The following DEFB1 variants were observed in gnomAD, a reference collection of about 807,000 sequenced individuals.
DEFB1 encodes the protein beta-defensin 1.
A neutral mutation model predicts 2.6 loss-of-function variants in DEFB1; 4 were observed. The observed-to-expected ratio is 1.53, with a 90% CI of 0.76 to 3.51. DEFB1 has a LOEUF of 3.51. Among genes scored for constraint, DEFB1 ranks in the 30% most tolerant of loss-of-function variants. The probability of loss-of-function intolerance (pLI) is 0.01; values close to 1 mark genes in which losing one functional copy is unlikely to be tolerated. For synonymous variants in DEFB1, 56 were observed against 28.5 expected, an observed-to-expected ratio of 1.96 and a Z score of -3.07; for missense variants, 162 against 76.9, an observed-to-expected ratio of 2.11 and a Z score of -4.14.
Position 6,870,781 on chromosome 8 carries a change from T to C in DEFB1, c.107A>G (p.Asn36Ser). 1.2e-6 allele frequency: 2 copies of C among 1,614,252 alleles called. No homozygotes were observed. Among genetic ancestry groups the C allele is most frequent in the East Asian group, 2.2e-5 (1 of 44,890 alleles). Residue 36 changes from asparagine (N) to serine (S), a missense_variant, in exon 2 of 2, where the codon AAT (asparagine) becomes AGT (serine). Physicochemically the swap from Asn to Ser is conservative, Grantham distance 46. Coordinates refer to ENST00000297439, the MANE Select transcript of DEFB1 (RefSeq NM_005218.4). Reference sequence around the variant, plus strand: ...ACATTGCCCTCCACTGCTGACGCAATTGTAATGATCAGATCTGTGGCCAAG... The same window carrying C: ...ACATTGCCCTCCACTGCTGACGCAACTGTAATGATCAGATCTGTGGCCAAG... ...TGLGHRSDHY[N>S]CVSSGGQCLY...
At position 6,877,893 on chromosome 8, in the gene DEFB1, T is replaced by A. The variant is rs1180385507; in HGVS notation, c.-36A>T. 1 of 1,606,206 alleles carries A rather than the reference T, an allele frequency of 6.2e-7. No individual in the cohort carries two copies. The highest frequency in any genetic ancestry group is 8.5e-7 in the Non-Finnish European group (1 of 1,172,982). The stretch of plus-strand genomic sequence containing the variant: ...AGGCAACACCCAGGATTTCAGGAAC[T>A]GGGGAGACGCTGGCTCCTTTGGAGG... On this transcript the variant is annotated 5_prime_UTR_variant, in exon 1 of 2. Coordinates refer to ENST00000297439, the MANE Select transcript of DEFB1 (RefSeq NM_005218.4).
In DEFB1 at chr8:6,870,685, T is replaced by C; in HGVS notation, c.203A>G (p.Lys68Arg). 6.2e-7 allele frequency: 1 copy of C among 1,613,804 alleles called. No homozygotes were observed. Among genetic ancestry groups the C allele is most frequent in the Non-Finnish European group, 8.5e-7 (1 of 1,179,972 alleles). Residue 68 changes from lysine (K) to arginine (R), a missense_variant, in exon 2 of 2, where the codon AAG (lysine) becomes AGG (arginine). Physicochemically the swap from Lys to Arg is conservative, Grantham distance 26. Coordinates refer to ENST00000297439, the MANE Select transcript of DEFB1 (RefSeq NM_005218.4). Reference sequence around the variant, plus strand: ...TTTCTTCTGGTCACTCCCAGCTCACTTGCAGCACTTGGCCTTCCCTCTGTA... The same window carrying C: ...TTTCTTCTGGTCACTCCCAGCTCACCTGCAGCACTTGGCCTTCCCTCTGTA... ...TCYRGKAKCC[K>R]
chr8:6,871,818 C>T (rs116507821), intron 1 of DEFB1, among the ~76,000 whole-genome samples: 1,788 of 152,302 alleles, frequency 0.012, 35 homozygotes, highest in African/African-American at 0.039. Flanking sequence ...CCACCTTGAT[C>T]GCAGACTTCC....
At chr8:6,875,381 A>G (rs1806485507) in intron 1 of DEFB1, among the ~76,000 whole-genome samples, 1 of 152,208 alleles carries the variant, frequency 6.6e-6, no homozygotes, top group South Asian at 2.1e-4. Context: ...TAATTGACAA[A>G]AGGCTTGCAT....
At chr8:6,871,775 G>A (rs920642565) in intron 1 of DEFB1, among the ~76,000 whole-genome samples, 1 of 152,194 alleles carries the variant, frequency 6.6e-6, no homozygotes, top group Non-Finnish European at 1.5e-5. Flanking sequence ...TACCAGCCAA[G>A]GACAGACACC....
intron 1 of DEFB1, among the ~76,000 whole-genome samples, chr8:6,874,692 T>C (rs1311871576): frequency 2.0e-5 from 3 of 152,142 alleles, no homozygotes; most frequent in African/African-American, 7.2e-5. Context: ...TATCAACAGT[T>C]GGTTCTGGGC....
chr8:6,877,646 T>C (rs1806581510), intron 1 of DEFB1, 151 bp downstream of exon 1: 2 of 674,652 alleles, frequency 3.0e-6, no homozygotes, highest in Middle Eastern at 3.2e-4. Context: ...GCCTGCTGCC[T>C]TCTGCCAACT....
intron 1 of DEFB1, among the ~76,000 whole-genome samples, chr8:6,876,632 C>T (rs930210534): frequency 2.6e-5 from 4 of 151,516 alleles, no homozygotes; most frequent in Non-Finnish European, 4.4e-5. Context: ...CTTATCTCTA[C>T]GAAAAAATAA....
At chr8:6,876,471 C>T (rs1170599933) in intron 1 of DEFB1, among the ~76,000 whole-genome samples, 2 of 149,848 alleles carry the variant, frequency 1.3e-5, no homozygotes, top group East Asian at 4.0e-4. Flanking sequence ...AGCAAGACTC[C>T]ATCTCAAAAA....
intron 1 of DEFB1, 42 bp downstream of exon 1, chr8:6,877,755 C>T: frequency 1.3e-6 from 2 of 1,570,452 alleles, no homozygotes; most frequent in Non-Finnish European, 1.8e-6. Context: ...CCATTGTCCC[C>T]AGCCCTGGGG....
intron 1 of DEFB1, among the ~76,000 whole-genome samples, chr8:6,877,254 A>G (rs1221546659): frequency 6.6e-6 from 1 of 152,186 alleles, no homozygotes; most frequent in East Asian, 1.9e-4. Flanking sequence ...CCTCCTATTG[A>G]CTGGGGAGAC....
intron 1 of DEFB1, among the ~76,000 whole-genome samples, chr8:6,876,534 G>T (rs1386406228): frequency 6.6e-6 from 1 of 152,074 alleles, no homozygotes; most frequent in Non-Finnish European, 1.5e-5. Context: ...AGTGGCTCAT[G>T]CCTATAATCC....
Position 6,870,747 on chromosome 8 carries a change from A to T in DEFB1, c.141T>A (p.Ser47=). ...GAATTTTGGTAAAGATCGGGCAGGC[A>T]GAATAGAGACATTGCCCTCCACTGC... ...CVSSGGQCLY[S]ACPIFTKIQG... is the part of the protein sequence containing the mutation. Residue 47 remains serine, a synonymous_variant, in exon 2 of 2, where the codon TCT becomes TCA. Transcript: ENST00000297439. 1 of 1,614,264 alleles carries T rather than the reference A, an allele frequency of 6.2e-7. No individual in the cohort carries two copies. The highest frequency in any genetic ancestry group is 8.5e-7 in the Non-Finnish European group (1 of 1,180,050).
At chr8:6,870,930 T>C in intron 1 of DEFB1, 104 bp from the exon 2 acceptor site, 1 of 1,281,724 alleles carries the variant, frequency 7.8e-7, no homozygotes, top group Non-Finnish European at 1.1e-6. Context: ...CACCGGAGAG[T>C]CTTCTCTTCC....
chr8:6,875,535 A>G (rs2980923), intron 1 of DEFB1, among the ~76,000 whole-genome samples: 125,284 of 152,206 alleles, frequency 0.82, 51,778 homozygotes, highest in Middle Eastern at 0.89. Flanking sequence ...ATTATTTATC[A>G]GGGAAATGCA....
chr8:6,877,085 A>G (rs1038424295), intron 1 of DEFB1, among the ~76,000 whole-genome samples: 7 of 152,152 alleles, frequency 4.6e-5, no homozygotes, highest in Admixed American at 3.9e-4. Context: ...CATTCTGCAG[A>G]TGAATAAACC....
At chr8:6,876,261 G>C (rs1283823743) in intron 1 of DEFB1, among the ~76,000 whole-genome samples, 1 of 152,146 alleles carries the variant, frequency 6.6e-6, no homozygotes, top group Non-Finnish European at 1.5e-5. Context: ...CGGACCATGA[G>C]GTCAGGAGTT....
At chr8:6,874,548 G>A (rs1313980137) in intron 1 of DEFB1, among the ~76,000 whole-genome samples, 2 of 152,084 alleles carry the variant, frequency 1.3e-5, no homozygotes, top group African/African-American at 2.4e-5. Context: ...TGTAATTAAG[G>A]CAATGTGCTT....
At chr8:6,876,010 T>A (rs559379385) in intron 1 of DEFB1, among the ~76,000 whole-genome samples, 1 of 152,262 alleles carries the variant, frequency 6.6e-6, no homozygotes, top group South Asian at 2.1e-4. Context: ...AAATTCTTTA[T>A]GTTAACAAAG....
Sources: gnomAD v4.1 joint callset for allele counts (sites outside exome capture counted in the v4.1 genomes callset) on GRCh38, gnomAD v4.1.1 for gene constraint, MANE v1.5 for transcripts, NCBI Gene and HGNC (gene_info 2026-07-23, HGNC 2026-07-21) for gene names.